SPMAP2L: variants seen among roughly 807,000 people sequenced by gnomAD.
SPMAP2L encodes sperm microtubule associated protein 2 like.
At chr4:56,584,936 G>A in the SPMAP2L span, among the ~76,000 whole-genome samples, 2 of 152,156 alleles carry the variant, frequency 1.3e-5, no homozygotes, top group African/African-American at 2.4e-5. Flanking sequence ...AGATATAATA[G>A]GGGCAAGTCA....
the SPMAP2L span, among the ~76,000 whole-genome samples, chr4:56,576,039 C>T: frequency 6.6e-6 from 1 of 152,076 alleles, no homozygotes; most frequent in East Asian, 1.9e-4. Flanking sequence ...GGTACATTTT[C>T]CATGGGAGCT....
At chr4:56,618,643 A>T in the SPMAP2L span, among the ~76,000 whole-genome samples, 1 of 152,158 alleles carries the variant, frequency 6.6e-6, no homozygotes, top group Admixed American at 6.5e-5. Flanking sequence ...CGCCCCCATG[A>T]TTCAATTACC....
the SPMAP2L span, among the ~76,000 whole-genome samples, chr4:56,537,465 C>G: frequency 6.6e-6 from 1 of 152,140 alleles, no homozygotes; most frequent in South Asian, 2.1e-4. Context: ...GTCTTGATTT[C>G]CCTTCCAGCC....
chr4:56,572,994 C>T, the SPMAP2L span, among the ~76,000 whole-genome samples: 5 of 146,174 alleles, frequency 3.4e-5, no homozygotes, highest in South Asian at 2.2e-4. Context: ...CCAGCCTGGG[C>T]GACAGAGCAA....
At chr4:56,620,077 C>T in the SPMAP2L span, among the ~76,000 whole-genome samples, 1 of 152,186 alleles carries the variant, frequency 6.6e-6, no homozygotes, top group Non-Finnish European at 1.5e-5. Flanking sequence ...CAAAGTCTCT[C>T]ACTGGGCATC....
the SPMAP2L span, chr4:56,592,909 G>A: frequency 2.5e-6 from 4 of 1,608,004 alleles, no homozygotes; most frequent in South Asian, 3.3e-5. Flanking sequence ...TCTTGGGGCT[G>A]GCGAGCATTG....
the SPMAP2L span, chr4:56,601,122 CA>C: frequency 2.1e-5 from 32 of 1,530,174 alleles, no homozygotes; most frequent in East Asian, 7.8e-4. Context: ...ATGTCAATTT[CA>C]GGCTAAAGTG....
chr4:56,556,131 C>T, the SPMAP2L span, among the ~76,000 whole-genome samples: 1 of 152,158 alleles, frequency 6.6e-6, no homozygotes, highest in African/African-American at 2.4e-5. Context: ...TGCTTCTTTC[C>T]ATTATATCAC....
the SPMAP2L span, among the ~76,000 whole-genome samples, chr4:56,623,472 G>C: frequency 6.6e-6 from 1 of 152,220 alleles, no homozygotes; most frequent in Non-Finnish European, 1.5e-5. Context: ...GGAAGGGAGA[G>C]GAGCCCTAGA....
chr4:56,559,319 A>AC, the SPMAP2L span: 37 of 1,167,094 alleles, frequency 3.2e-5, no homozygotes, highest in African/African-American at 5.3e-4. Flanking sequence ...AAAAAAAAAA[A>AC]AAAGAGTCAT....
chr4:56,572,557 A>G, the SPMAP2L span, among the ~76,000 whole-genome samples: 1 of 152,328 alleles, frequency 6.6e-6, no homozygotes, highest in East Asian at 1.9e-4. Context: ...AAATAGAGGG[A>G]AAAAAGACTC....
chr4:56,614,581 G>T, the SPMAP2L span, among the ~76,000 whole-genome samples: 1 of 152,004 alleles, frequency 6.6e-6, no homozygotes, highest in Non-Finnish European at 1.5e-5. Flanking sequence ...TTGAACCCAG[G>T]AGGCAGAGGT....
chr4:56,557,040 G>C, the SPMAP2L span, among the ~76,000 whole-genome samples: 1 of 149,926 alleles, frequency 6.7e-6, no homozygotes, highest in African/African-American at 2.5e-5. Flanking sequence ...CTTGACGTCA[G>C]GAGTTTGAGA....
chr4:56,579,822 A>G, the SPMAP2L span, among the ~76,000 whole-genome samples: 1 of 152,226 alleles, frequency 6.6e-6, no homozygotes, highest in Non-Finnish European at 1.5e-5. Flanking sequence ...AAAAGCCAGC[A>G]AATGAGAGAA....
the SPMAP2L span, among the ~76,000 whole-genome samples, chr4:56,617,023 G>A: frequency 2.0e-5 from 3 of 152,272 alleles, no homozygotes; most frequent in Admixed American, 2.0e-4. Context: ...AGGGGAGCCT[G>A]AAACCTCGAA....
At chr4:56,589,733 T>G in the SPMAP2L span, among the ~76,000 whole-genome samples, 3 of 147,904 alleles carry the variant, frequency 2.0e-5, no homozygotes, top group Non-Finnish European at 4.4e-5. Context: ...GTTTTGTTTT[T>G]GTGTGTGGGG....
the SPMAP2L span, among the ~76,000 whole-genome samples, chr4:56,567,448 T>TTTTTTTTTG: frequency 8.9e-6 from 1 of 112,278 alleles, no homozygotes; most frequent in Non-Finnish European, 1.8e-5. Flanking sequence ...GGTGGTTTTT[T>TTTTTTTTTG]TTTTTTTTTT....
the SPMAP2L span, among the ~76,000 whole-genome samples, chr4:56,555,228 C>T: frequency 2.4e-4 from 36 of 152,082 alleles, no homozygotes; most frequent in Non-Finnish European, 4.6e-4. Context: ...CATGAGCCAC[C>T]GTGCCTGGCC....
the SPMAP2L span, among the ~76,000 whole-genome samples, chr4:56,537,730 G>T: frequency 6.7e-6 from 1 of 150,054 alleles, no homozygotes; most frequent in Admixed American, 6.7e-5. Flanking sequence ...TCGCTCTGTC[G>T]CCCAGGCTGG....
Sources: allele counts gnomAD v4.1 joint callset (sites outside exome capture counted in the v4.1 genomes callset), GRCh38; gene constraint gnomAD v4.1.1; transcripts MANE v1.5; gene names NCBI Gene and HGNC (gene_info 2026-07-23, HGNC 2026-07-21).